Variants in ADARB2 observed in about 807,000 individuals in gnomAD.
ADARB2 encodes the protein inactive double-stranded RNA-specific editase B2.
ADARB2 carries 25 observed loss-of-function variants against 62.2 expected under a neutral mutation model. The ratio of observed to expected loss-of-function variants is 0.40; its 90% CI spans 0.29 to 0.56. The LOEUF is 0.56. Among genes scored for constraint, ADARB2 ranks in the 20% least tolerant of loss-of-function variants. The pLI is 0.43. For synonymous variants in ADARB2, 572 were observed against 500.8 expected, an observed-to-expected ratio of 1.14 and a Z score of -1.90; for missense variants, 1,071 against 1,077.4, an observed-to-expected ratio of 0.99 and a Z score of 0.08.
chr10:1,435,532 C>T lies in ADARB2; in HGVS notation c.101-56372G>A, dbSNP rs952930395. ...GTGTTCCTTCTGTCTGAGGGCGGAG[C>T]CTTCACAGCCCTGGACTGAGCCTGC... On this transcript the variant is annotated intron_variant, in intron 1 of 9. Transcript: ENST00000381312. Among the ~76,000 whole-genome samples, 14 of 152,326 alleles carry T rather than the reference C, an allele frequency of 9.2e-5. No homozygotes were observed. In the South Asian group the frequency reaches 2.9e-3, roughly 32 times the overall value.
At chr10:1,548,816 C>T (rs990372940) in intron 1 of ADARB2, among the ~76,000 whole-genome samples, 2 of 152,130 alleles carry the variant, frequency 1.3e-5, no homozygotes, top group Non-Finnish European at 2.9e-5. Flanking sequence ...GGACACCTGG[C>T]GAGTTAGGAA....
chr10:1,694,452 A>C (rs776189914), intron 1 of ADARB2, among the ~76,000 whole-genome samples: 5 of 152,164 alleles, frequency 3.3e-5, no homozygotes, highest in African/African-American at 4.8e-5. Context: ...ACTCTTACTT[A>C]GTCTTAATTG....
intron 1 of ADARB2, among the ~76,000 whole-genome samples, chr10:1,460,073 C>T (rs532311033): frequency 1.3e-4 from 8 of 59,890 alleles, no homozygotes; most frequent in African/African-American, 4.4e-4. Context: ...CCTGAGTTTA[C>T]CTGCGTAACG....
intron 1 of ADARB2, among the ~76,000 whole-genome samples, chr10:1,596,797 C>T (rs1454210912): frequency 1.3e-5 from 2 of 152,292 alleles, no homozygotes; most frequent in Middle Eastern, 3.4e-3. Context: ...GCAATGTTGA[C>T]GAAGTGGCAA....
At chr10:1,265,543 C>T (rs965286963) in intron 4 of ADARB2, among the ~76,000 whole-genome samples, 7 of 147,274 alleles carry the variant, frequency 4.8e-5, no homozygotes, top group African/African-American at 1.0e-4. Flanking sequence ...ACGCCCTGAG[C>T]GGGGGCCCAG....
At chr10:1,554,486 G>A (rs1832673289) in intron 1 of ADARB2, among the ~76,000 whole-genome samples, 3 of 151,976 alleles carry the variant, frequency 2.0e-5, no homozygotes, top group African/African-American at 7.3e-5. Flanking sequence ...GGTCTCCACT[G>A]TCCCCCAGCC....
intron 3 of ADARB2, among the ~76,000 whole-genome samples, chr10:1,352,059 C>G (rs1832148244): frequency 3.3e-5 from 5 of 150,554 alleles, no homozygotes; most frequent in African/African-American, 9.8e-5. Flanking sequence ...CCCTGACACC[C>G]ATCAGGCTCA....
chr10:1,694,918 T>C (rs1834720091), intron 1 of ADARB2, among the ~76,000 whole-genome samples: 1 of 152,060 alleles, frequency 6.6e-6, no homozygotes, highest in Non-Finnish European at 1.5e-5. Context: ...CTGGGGCTCC[T>C]TTTCACGTGA....
chr10:1,205,997 C>A (rs12776542), intron 7 of ADARB2, among the ~76,000 whole-genome samples: 1 of 148,882 alleles, frequency 6.7e-6, no homozygotes, highest in African/African-American at 2.5e-5. Context: ...GGGCAGCCCG[C>A]TGGGGTCAGG....
At chr10:1,593,930 A>G (rs908154589) in intron 1 of ADARB2, among the ~76,000 whole-genome samples, 1 of 152,162 alleles carries the variant, frequency 6.6e-6, no homozygotes, top group Non-Finnish European at 1.5e-5. Flanking sequence ...TGGGATTCGG[A>G]GAGCTGCAGG....
In ADARB2 at chr10:1,184,901, T is replaced by C. The variant is rs777448423; in HGVS notation, c.2003A>G (p.Lys668Arg). The stretch of plus-strand genomic sequence containing the variant: ...CGCCCACCGTGCAGACAGCACGTGC[T>C]TGCAGAGCCGGGATGGGCCCCCACA... ...RSCGGPSRLCKHVLSARWARL... is the reference protein window; with the variant it reads ...RSCGGPSRLCRHVLSARWARL... Residue 668 changes from lysine (K) to arginine (R), a missense_variant, in exon 9 of 10, where the codon AAG becomes AGG. By Grantham distance (26) the Lys-to-Arg change is conservative. Transcript: ENST00000381312. 2 of 1,613,724 alleles carry C rather than the reference T, an allele frequency of 1.2e-6. No homozygotes were observed. The highest frequency in any genetic ancestry group is 4.5e-5 in the East Asian group (2 of 44,888).
At chr10:1,309,264 C>T (rs968743962) in intron 3 of ADARB2, among the ~76,000 whole-genome samples, 5 of 152,184 alleles carry the variant, frequency 3.3e-5, no homozygotes, top group African/African-American at 1.2e-4. Context: ...AGAAATGTGC[C>T]ATTGCTGGAC....
chr10:1,735,001 AC>A (rs1164105992), intron 1 of ADARB2, among the ~76,000 whole-genome samples: 12 of 152,224 alleles, frequency 7.9e-5, no homozygotes, highest in African/African-American at 2.9e-4. Flanking sequence ...TGGTTACTTT[AC>A]CTTTTAATTT....
At chr10:1,656,846 C>T (rs1247275822) in intron 1 of ADARB2, among the ~76,000 whole-genome samples, 1 of 147,412 alleles carries the variant, frequency 6.8e-6, no homozygotes, top group African/African-American at 2.7e-5. Flanking sequence ...ATCCTGTTGC[C>T]CAGAGAATGC....
rs372778779 is a variant in ADARB2 at position 1,184,948 on chromosome 10, G to A, written c.1956C>T (p.Asn652=). The change falls in exon 9 of 10, where the codon AAC becomes AAT. Residue 652 remains asparagine, a synonymous_variant. Transcript: ENST00000381312. Reference sequence around the variant, plus strand: ...CACAGCTCCTCCGCCCAGTGGTGGCGTTGATAATCTCCAGGTCCGCGCTGC... The same window carrying A: ...CACAGCTCCTCCGCCCAGTGGTGGCATTGATAATCTCCAGGTCCGCGCTGC... ...VVGSADLEII[N]ATTGRRSCGG... 161 of 1,613,814 alleles carry A rather than the reference G, an allele frequency of 1.0e-4. No homozygotes were observed. Among genetic ancestry groups the A allele is most frequent in the Middle Eastern group, 6.6e-4 (4 of 6,054 alleles).
rs532471835 is a variant in ADARB2 at position 1,453,703 on chromosome 10, C to T, written c.101-74543G>A. On this transcript the variant is annotated intron_variant, in intron 1 of 9. Coordinates refer to ENST00000381312, the MANE Select transcript of ADARB2 (RefSeq NM_018702.4). ...AAAATAGGCACAAGACTTGAACAGA[C>T]GTTTCTCCAAAGAAGGTAAACAAAC... Among the ~76,000 whole-genome samples, 7 of 152,262 alleles carry T rather than the reference C, an allele frequency of 4.6e-5. No individual in the cohort carries two copies. In the South Asian group the frequency reaches 1.0e-3, roughly 23 times the overall value.
At chr10:1,290,978 A>C in intron 3 of ADARB2, 1 of 152,208 alleles carries the variant, frequency 6.6e-6, no homozygotes, top group Admixed American at 6.5e-5. Context: ...TGAGGGTGCA[A>C]ACAGATGAGG....
In ADARB2 at chr10:1,271,062, G is replaced by A; in HGVS notation, c.1085C>T (p.Ala362Val). 1.2e-6 allele frequency: 2 copies of A among 1,613,824 alleles called. No individual in the cohort carries two copies. The highest frequency in any genetic ancestry group is 1.7e-6 in the Non-Finnish European group (2 of 1,179,904). Residue 362 changes from alanine to valine, a missense_variant, in exon 4 of 10, where the codon GCA becomes GTA. By Grantham distance (64) the Ala-to-Val change is moderately conservative. Coordinates refer to ENST00000381312, the MANE Select transcript of ADARB2 (RefSeq NM_018702.4). ...TGTGACCAGCTGGGATATGGAGTCT[G>A]CGAATTCCTGAAAGACACAAGCACA... ...ARRTPMPQEF[A>V]DSISQLVTQK...
intron 1 of ADARB2, among the ~76,000 whole-genome samples, chr10:1,580,764 C>T (rs1423969614): frequency 1.3e-5 from 2 of 152,196 alleles, no homozygotes; most frequent in South Asian, 2.1e-4. Context: ...CTGTTCCTCC[C>T]TCCTTCCCCA....
Sources: gnomAD v4.1 joint callset for allele counts (sites outside exome capture counted in the v4.1 genomes callset) on GRCh38, gnomAD v4.1.1 for gene constraint, MANE v1.5 for transcripts, NCBI Gene and HGNC (gene_info 2026-07-23, HGNC 2026-07-21) for gene names.